CTNNA3: variants seen among roughly 807,000 people sequenced by gnomAD.
CTNNA3 encodes catenin alpha 3.
A neutral mutation model predicts 95.7 loss-of-function variants in CTNNA3; 76 were observed. The ratio of observed to expected loss-of-function variants is 0.79; its 90% CI spans 0.66 to 0.96. The LOEUF (loss-of-function observed/expected upper bound fraction) is 0.96, where lower values mean the gene tolerates loss of function less well. Ranked by LOEUF, CTNNA3 falls within the 40% of genes least tolerant of loss-of-function variation. The pLI is 0.00. For synonymous variants in CTNNA3, 431 were observed against 374.4 expected, an observed-to-expected ratio of 1.15 and a Z score of -1.74; for missense variants, 1,191 against 1,089.8, an observed-to-expected ratio of 1.09 and a Z score of -1.31.
intron 11 of CTNNA3, among the ~76,000 whole-genome samples, chr10:66,420,063 T>C (rs2093178799): frequency 6.6e-6 from 1 of 152,232 alleles, no homozygotes; most frequent in South Asian, 2.1e-4. Flanking sequence ...CAAAAACTTC[T>C]GCATAGCAAA....
intron 5 of CTNNA3, among the ~76,000 whole-genome samples, chr10:67,464,593 A>G (rs1040390067): frequency 6.6e-6 from 1 of 152,168 alleles, no homozygotes; most frequent in Non-Finnish European, 1.5e-5. Context: ...GGTACTTTGT[A>G]CATACACTGA....
intron 7 of CTNNA3, among the ~76,000 whole-genome samples, chr10:66,820,189 C>A (rs1842254275): frequency 6.6e-6 from 1 of 152,022 alleles, no homozygotes; most frequent in Non-Finnish European, 1.5e-5. Flanking sequence ...TTCTGCTACA[C>A]ATCATGGATA....
At chr10:66,019,321 T>G (rs191948548) in intron 15 of CTNNA3, among the ~76,000 whole-genome samples, 6 of 152,268 alleles carry the variant, frequency 3.9e-5, no homozygotes, top group Admixed American at 2.6e-4. Flanking sequence ...ACATAGAAGA[T>G]TCAATGGGAA....
chr10:66,714,591 C>A (rs149695032), intron 9 of CTNNA3, among the ~76,000 whole-genome samples: 38 of 152,274 alleles, frequency 2.5e-4, no homozygotes, highest in African/African-American at 8.7e-4. Flanking sequence ...CATTCACCAT[C>A]CACCTCTGCT....
chr10:66,449,200 G>T (rs10762070), intron 11 of CTNNA3, among the ~76,000 whole-genome samples: 57,882 of 151,648 alleles, frequency 0.38, 11,567 homozygotes, highest in African/African-American at 0.5. Flanking sequence ...AAATTACAAA[G>T]TAAAGGTGCT....
intron 15 of CTNNA3, among the ~76,000 whole-genome samples, chr10:66,047,090 TA>T (rs1474216095): frequency 6.6e-6 from 1 of 152,060 alleles, no homozygotes; most frequent in Non-Finnish European, 1.5e-5. Context: ...AACTATTCTA[TA>T]AAATGGAGGA....
At chr10:65,990,066 T>TTTTG (rs1564562526) in intron 15 of CTNNA3, among the ~76,000 whole-genome samples, 1 of 2,956 alleles carries the variant, frequency 3.4e-4, no homozygotes, top group African/African-American at 5.1e-4. Flanking sequence ...GTGTTTCATT[T>TTTTG]TGTGTGTAGT....
intron 13 of CTNNA3, among the ~76,000 whole-genome samples, chr10:66,186,659 T>A (rs1166138761): frequency 6.6e-6 from 1 of 152,162 alleles, no homozygotes; most frequent in Non-Finnish European, 1.5e-5. Flanking sequence ...AGACTGGTTT[T>A]ATGGTTTTAT....
chr10:66,131,744 G>T (rs2083114178), intron 13 of CTNNA3, among the ~76,000 whole-genome samples: 1 of 152,012 alleles, frequency 6.6e-6, no homozygotes, highest in Non-Finnish European at 1.5e-5. Context: ...CAGAAATAAG[G>T]CCGCACATCT....
At chr10:67,127,511 A>C (rs1159244521) in intron 7 of CTNNA3, among the ~76,000 whole-genome samples, 3 of 152,180 alleles carry the variant, frequency 2.0e-5, no homozygotes, top group African/African-American at 7.2e-5. Flanking sequence ...TTGAGAGTGG[A>C]ATATCCATTC....
chr10:66,525,663 G>A (rs1472786347), intron 10 of CTNNA3, among the ~76,000 whole-genome samples: 1 of 152,080 alleles, frequency 6.6e-6, no homozygotes, highest in Non-Finnish European at 1.5e-5. Flanking sequence ...GAGAGAGAAA[G>A]AATATATATA....
intron 3 of CTNNA3, among the ~76,000 whole-genome samples, chr10:67,562,454 A>C (rs1057489642): frequency 3.9e-5 from 6 of 152,068 alleles, no homozygotes; most frequent in Admixed American, 3.9e-4. Context: ...CATGCTAAAA[A>C]CTCTCAATAA....
At chr10:66,441,627 G>A (rs2093376037) in intron 11 of CTNNA3, among the ~76,000 whole-genome samples, 1 of 152,270 alleles carries the variant, frequency 6.6e-6, no homozygotes, top group Admixed American at 6.5e-5. Flanking sequence ...CTTTTAGAAA[G>A]TCTGATCTTG....
intron 13 of CTNNA3, among the ~76,000 whole-genome samples, chr10:66,219,621 CT>C (rs139117603): frequency 0.45 from 67,803 of 150,420 alleles, 16,172 homozygotes; most frequent in Middle Eastern, 0.57. Flanking sequence ...CCAATTAAGT[CT>C]TTTTTTTTTC....
At chr10:67,349,144 G>A (rs1428521277) in intron 5 of CTNNA3, among the ~76,000 whole-genome samples, 1 of 152,074 alleles carries the variant, frequency 6.6e-6, no homozygotes, top group Non-Finnish European at 1.5e-5. Flanking sequence ...AAAACAACAT[G>A]AAGTTTTTTT....
intron 3 of CTNNA3, among the ~76,000 whole-genome samples, chr10:67,540,752 A>T (rs1189615200): frequency 6.6e-6 from 1 of 152,008 alleles, no homozygotes; most frequent in African/African-American, 2.4e-5. Flanking sequence ...GCCTTTAGCA[A>T]GTAGTATCCT....
chr10:67,288,241 T>C (rs553982588), intron 5 of CTNNA3, among the ~76,000 whole-genome samples: 2 of 152,302 alleles, frequency 1.3e-5, no homozygotes, highest in South Asian at 4.1e-4. Flanking sequence ...AATCATTAAG[T>C]AAAGTTAAGC....
intron 9 of CTNNA3, among the ~76,000 whole-genome samples, chr10:66,647,585 A>T (rs1021876667): frequency 1.3e-5 from 2 of 148,802 alleles, no homozygotes; most frequent in Middle Eastern, 6.4e-3. Flanking sequence ...ACCTTGGCTC[A>T]CTGCAAGCTC....
At chr10:67,175,681 A>G (rs948875813) in intron 7 of CTNNA3, among the ~76,000 whole-genome samples, 24 of 152,152 alleles carry the variant, frequency 1.6e-4, no homozygotes, top group Non-Finnish European at 1.5e-5. Flanking sequence ...ATAATCCCCT[A>G]TAGTCATGTA....
Sources: allele counts gnomAD v4.1 joint callset (sites outside exome capture counted in the v4.1 genomes callset), GRCh38; gene constraint gnomAD v4.1.1; transcripts MANE v1.5; gene names NCBI Gene and HGNC (gene_info 2026-07-23, HGNC 2026-07-21).